The following ITPK1 variants were observed in gnomAD, a reference collection of about 807,000 sequenced individuals.
The protein encoded by ITPK1 is inositol-tetrakisphosphate 1-kinase.
A neutral mutation model predicts 45.3 loss-of-function variants in ITPK1; 21 were observed. That is an observed-to-expected ratio of 0.46 (90% confidence interval 0.33 to 0.67). ITPK1 has a LOEUF of 0.67. Among genes scored for constraint, ITPK1 ranks in the 30% least tolerant of loss-of-function variants. ITPK1 has a pLI of 0.02. For missense variants in ITPK1, 474 were observed against 573.5 expected (o/e 0.83, Z 1.77); for synonymous variants, 258 against 253.6 (o/e 1.02, Z -0.16).
In ITPK1 at chr14:92,938,887, T is replaced by A. The variant is rs1282349344; in HGVS notation, c.*2674A>T. ...ACGGCCTCAGCCCCAGGGTGCTCAA[T>A]GCAGACTGTGCAGGTGACCCTCTGA... On this transcript the variant is annotated 3_prime_UTR_variant, in exon 11 of 11. Coordinates refer to ENST00000267615, the MANE Select transcript of ITPK1 (RefSeq NM_014216.6). The A allele has an allele frequency of 5.6e-6, 2 of 359,686 alleles. No individual in the cohort carries two copies. The highest frequency in any genetic ancestry group is 1.0e-5 in the Non-Finnish European group (2 of 193,866). The allele number at this position is 359,686 out of a possible 1,614,324, so 22.3% of individuals were successfully genotyped here. A position where few individuals can be genotyped will look rare whatever the true frequency, so the allele number is the denominator to read the frequency against.
At chr14:93,066,041 C>T (rs1890730021) in intron 3 of ITPK1, 2 of 271,498 alleles carry the variant, frequency 7.4e-6, no homozygotes, top group South Asian at 6.6e-5. Flanking sequence ...CATTTGTGAG[C>T]CTATCTTGAC....
Position 93,115,145 on chromosome 14 carries a change from C to A in ITPK1, c.19G>T (p.Gly7Trp), listed in dbSNP as rs771714901. MQTFLK[G>W]KRVGYWLSEK... is the part of the protein sequence containing the mutation. Reference sequence around the variant, plus strand: ...CTCAGCCAGTAGCCAACTCTCTTCCCTTTCAGAAAGGTCTGCATCTTCCTC... The same window carrying A: ...CTCAGCCAGTAGCCAACTCTCTTCCATTTCAGAAAGGTCTGCATCTTCCTC... Residue 7 changes from glycine (G) to tryptophan (W), a missense_variant, in exon 2 of 11, where the codon GGG (glycine) becomes TGG (tryptophan). Physicochemically the swap from Gly to Trp is radical, Grantham distance 184 (BLOSUM62 -2). This residue lies in a region of ITPK1 where 367 missense variants were observed against 480.6 expected (regional missense o/e 0.76). Coordinates refer to ENST00000267615, the MANE Select transcript of ITPK1 (RefSeq NM_014216.6). The A allele has an allele frequency of 6.2e-7, 1 of 1,601,080 alleles. No individual in the cohort carries two copies. Among genetic ancestry groups the A allele is most frequent in the Non-Finnish European group, 8.5e-7 (1 of 1,174,826 alleles).
chr14:92,939,623 G>A lies in ITPK1; in HGVS notation c.*1938C>T. On this transcript the variant is annotated 3_prime_UTR_variant, in exon 11 of 11. Coordinates refer to ENST00000267615, the MANE Select transcript of ITPK1 (RefSeq NM_014216.6). ...CGCCCCACCACGGAGGCCTATGGAC[G>A]CCACCACGACACCACATGGCAGTTA... 3.2e-6 allele frequency: 3 copies of A among 925,064 alleles called. No homozygotes were observed. The highest frequency in any genetic ancestry group is 3.6e-5 in the African/African-American group (2 of 55,736). The allele number at this position is 925,064 out of a possible 1,614,324, so 57.3% of individuals were successfully genotyped here. A position where few individuals can be genotyped will look rare whatever the true frequency, so the allele number is the denominator to read the frequency against.
intron 6 of ITPK1, 56 bp downstream of exon 6, chr14:92,962,695 A>C (rs1006422672): frequency 7.5e-7 from 1 of 1,328,616 alleles, no homozygotes; most frequent in Non-Finnish European, 1.1e-6. Context: ...CCCCTCCCCT[A>C]TGCTGGCCTG....
chr14:93,040,354 T>C (rs2139909082), intron 3 of ITPK1, among the ~76,000 whole-genome samples: 1 of 152,170 alleles, frequency 6.6e-6, no homozygotes, highest in East Asian at 1.9e-4. Context: ...GCCTGGGGTA[T>C]AAGGACAGAG....
chr14:93,046,236 A>C (rs1302709802), intron 3 of ITPK1, among the ~76,000 whole-genome samples: 2 of 152,178 alleles, frequency 1.3e-5, no homozygotes, highest in African/African-American at 4.8e-5. Context: ...GCATGCACAA[A>C]CCCACTCACA....
chr14:92,940,003 A>G lies in ITPK1; in HGVS notation c.*1558T>C. On this transcript the variant is annotated 3_prime_UTR_variant, in exon 11 of 11. Coordinates refer to ENST00000267615, the MANE Select transcript of ITPK1 (RefSeq NM_014216.6). ...TCGGGGTTCAAAACTCAAGTCGTGT[A>G]AACGTGGTTAGTTGTTGGGTCCTCA... The G allele has an allele frequency of 1.0e-6, 1 of 985,902 alleles. No homozygotes were observed. Among genetic ancestry groups the G allele is most frequent in the Non-Finnish European group, 1.2e-6 (1 of 829,954 alleles). 61.1% of individuals were successfully genotyped at this position (985,902 alleles called of 1,614,324 possible). A position where few individuals can be genotyped will look rare whatever the true frequency, so the allele number is the denominator to read the frequency against.
chr14:92,959,869 T>C (rs1884964315), intron 7 of ITPK1, among the ~76,000 whole-genome samples: 1 of 152,098 alleles, frequency 6.6e-6, no homozygotes, highest in Non-Finnish European at 1.5e-5. Flanking sequence ...GGCTGGGAGA[T>C]TCAGAGGCCG....
rs887214735 is a variant in ITPK1 at position 92,953,370 on chromosome 14, C to T, written c.671-1357G>A. Among the ~76,000 whole-genome samples the T allele has an allele frequency of 1.2e-4, 18 of 152,188 alleles. 1 individual carries two copies. In the East Asian group the frequency reaches 1.9e-3, roughly 16 times the overall value. ...CATGAAATATGGTCCTGGGGAGGAG[C>T]CTGGGGAAAATAAACACCCCGCAGG... is the stretch of plus-strand genomic sequence containing the variant. On this transcript the variant is annotated intron_variant, in intron 8 of 10. Coordinates refer to ENST00000267615, the MANE Select transcript of ITPK1 (RefSeq NM_014216.6).
chr14:92,938,474 C>T lies in ITPK1; in HGVS notation c.*3087G>A, dbSNP rs202000533. On this transcript the variant is annotated 3_prime_UTR_variant, in exon 11 of 11. Coordinates refer to ENST00000267615, the MANE Select transcript of ITPK1 (RefSeq NM_014216.6). The stretch of plus-strand genomic sequence containing the variant: ...CTCAGTTGGCTCAAACATGTGACAG[C>T]TTCCTACTTCAGTCGGTCTTCCAGC... 1.3e-4 allele frequency: 216 copies of T among 1,611,042 alleles called. 2 individuals are homozygous for T. The African/African-American group carries it at 2.3e-3, about 17-fold the overall frequency.
At position 92,958,162 on chromosome 14, in the gene ITPK1, G is replaced by C; in HGVS notation, c.670+39C>G. ...GCTGCCACATCCCAGCTGGGCCCCT[G>C]AGTCTTGCTCAGCCCAAGATGGTGA... On this transcript the variant is annotated intron_variant, in intron 8 of 10. Transcript: ENST00000267615. The surrounding 1 kb of genome is among the most constrained non-coding windows in gnomAD (Gnocchi z 4.4). The C allele has an allele frequency of 6.2e-7, 1 of 1,605,918 alleles. No individual in the cohort carries two copies. Among genetic ancestry groups the C allele is most frequent in the Non-Finnish European group, 8.5e-7 (1 of 1,172,808 alleles).
intron 3 of ITPK1, among the ~76,000 whole-genome samples, chr14:93,059,532 G>A (rs1440468401): frequency 7.9e-5 from 5 of 63,318 alleles, no homozygotes; most frequent in Non-Finnish European, 1.2e-4. Flanking sequence ...GCAGGGGTGG[G>A]GAGGGTGCTG....
chr14:92,962,718 C>T (rs377291491), intron 6 of ITPK1, 33 bp downstream of exon 6: 56 of 1,523,504 alleles, frequency 3.7e-5, no homozygotes, highest in Admixed American at 1.3e-4. Flanking sequence ...GTCTACAGCG[C>T]CTGCCCTCAG....
Position 92,958,612 on chromosome 14 carries a change from C to T in ITPK1, c.505-246G>A, listed in dbSNP as rs1481510838. On this transcript the variant is annotated intron_variant, in intron 7 of 10. Coordinates refer to ENST00000267615, the MANE Select transcript of ITPK1 (RefSeq NM_014216.6). This position sits in a 1 kb window ranked among gnomAD's most constrained non-coding sequence, Gnocchi z 4.4. ...CTTCACCGGGCCTGCCATGTGAGAT[C>T]GAGCTGGCTGTGCACTGCACAACTT... Among the ~76,000 whole-genome samples, 1 of 152,196 alleles carries T rather than the reference C, an allele frequency of 6.6e-6. No homozygotes were observed. The highest frequency in any genetic ancestry group is 1.5e-5 in the Non-Finnish European group (1 of 68,044).
intron 3 of ITPK1, among the ~76,000 whole-genome samples, chr14:93,043,458 G>T (rs1889649201): frequency 6.6e-6 from 1 of 152,042 alleles, no homozygotes; most frequent in Non-Finnish European, 1.5e-5. Context: ...AACCCATCAG[G>T]CACTCTTTCC....
chr14:93,072,743 G>T (rs1463385169), intron 3 of ITPK1, among the ~76,000 whole-genome samples: 1 of 151,850 alleles, frequency 6.6e-6, no homozygotes, highest in Non-Finnish European at 1.5e-5. Flanking sequence ...GCCCCAAGCG[G>T]TCATACACCA....
In ITPK1 at chr14:93,091,265, G is replaced by A. The variant is rs191068472; in HGVS notation, c.96-14646C>T. Among the ~76,000 whole-genome samples the A allele has an allele frequency of 1.7e-4, 26 of 152,276 alleles. No individual in the cohort carries two copies. The East Asian group carries it at 2.1e-3, about 12-fold the overall frequency. ...GCGTCAGCCCAACAAATGTTTTCCC[G>A]TCAGTACAGAATACTCAGGCCCCTG... On this transcript the variant is annotated intron_variant, in intron 2 of 10. Coordinates refer to ENST00000267615, the MANE Select transcript of ITPK1 (RefSeq NM_014216.6).
intron 3 of ITPK1, among the ~76,000 whole-genome samples, chr14:93,030,431 TTTCATTCATTCA>T (rs200957653): frequency 2.0e-5 from 3 of 152,300 alleles, no homozygotes; most frequent in South Asian, 2.1e-4. Context: ...CTTTTCTTTC[TTTCATTCATTCA>T]TTCATTCATT....
chr14:93,035,673 C>T (rs1037174638), intron 3 of ITPK1, among the ~76,000 whole-genome samples: 9 of 152,224 alleles, frequency 5.9e-5, no homozygotes, highest in Admixed American at 2.0e-4. Context: ...CAGTGGTCTA[C>T]CAGGCACTGC....
Sources: gnomAD v4.1 joint callset for allele counts (sites outside exome capture counted in the v4.1 genomes callset) on GRCh38, gnomAD v4.1.1 for gene constraint, gnomAD v4.1.1 regional missense constraint, Gnocchi (gnomAD v3.1) non-coding constraint, MANE v1.5 for transcripts, NCBI Gene and HGNC (gene_info 2026-07-23, HGNC 2026-07-21) for gene names.